The following ITM2C variants were observed in gnomAD, a reference collection of about 807,000 sequenced individuals.
ITM2C encodes BRICHOS domain containing 2C.
A neutral mutation model predicts 30.0 loss-of-function variants in ITM2C; 20 were observed. That is an observed-to-expected ratio of 0.67 (90% CI 0.47 to 0.97). The LOEUF (loss-of-function observed/expected upper bound fraction) is 0.97, where lower values mean the gene tolerates loss of function less well. Among genes scored for constraint, ITM2C ranks in the 50% least tolerant of loss-of-function variants. The pLI, the probability that ITM2C is intolerant of heterozygous loss-of-function variation, is 0.00. For missense variants in ITM2C, 366 were observed against 371.9 expected, an observed-to-expected ratio of 0.98 and a Z score of 0.13; for synonymous variants, 167 against 156.4, an observed-to-expected ratio of 1.07 and a Z score of -0.51.
chr2:230,878,530 T>G lies in ITM2C; in HGVS notation c.*431T>G, dbSNP rs1689998785. On this transcript the variant is annotated 3_prime_UTR_variant, in exon 6 of 6. Coordinates refer to ENST00000326427, the MANE Select transcript of ITM2C (RefSeq NM_030926.6). This position sits in a 1 kb window ranked among gnomAD's most constrained non-coding sequence, Gnocchi z 4.5. ...AATTAGAAAAGTCCTCAGAAGCTTTTTCTTGGAGGGTACACTTTCTTCACT... is the reference window on the plus strand; with the variant it reads ...AATTAGAAAAGTCCTCAGAAGCTTTGTCTTGGAGGGTACACTTTCTTCACT... 2 of 155,426 alleles carry G rather than the reference T, an allele frequency of 1.3e-5. No homozygotes were observed. The highest frequency in any genetic ancestry group is 4.8e-5 in the African/African-American group (2 of 41,486). The allele number at this position is 155,426 out of a possible 1,614,324, so 9.6% of individuals were successfully genotyped here.
intron 1 of ITM2C, among the ~76,000 whole-genome samples, chr2:230,866,906 G>T (rs994332452): frequency 2.0e-5 from 3 of 152,174 alleles, no homozygotes; most frequent in Admixed American, 1.3e-4. Context: ...TTCTCCAGCC[G>T]CAGCCTGCTG....
At position 230,865,104 on chromosome 2, in the gene ITM2C, G is replaced by A. The variant is rs1440963822; in HGVS notation, c.79G>A (p.Ala27Thr). 6.6e-7 allele frequency: 1 copy of A among 1,516,838 alleles called. No homozygotes were observed. The highest frequency in any genetic ancestry group is 2.0e-5 in the Admixed American group (1 of 50,312). The allele number at this position is 1,516,838 out of a possible 1,614,324, so 94.0% of individuals were successfully genotyped here. ...KADKASASAP[A>T]PASATEILLT... ...TGACAAGGCGTCGGCGTCGGCCCCT[G>A]CGCCGGCCTCGGCCACCGAGATCCT... The change falls in exon 1 of 6, where the codon GCG becomes ACG. Residue 27 changes from alanine (A) to threonine (T), a missense_variant. Coordinates refer to ENST00000326427, the MANE Select transcript of ITM2C (RefSeq NM_030926.6). The surrounding 1 kb of genome is among the most constrained non-coding windows in gnomAD (Gnocchi z 6.8).
rs769993852 is a variant in ITM2C at position 230,865,066 on chromosome 2, A to G, written c.41A>G (p.Lys14Arg). The change falls in exon 1 of 6, where the codon AAG becomes AGG. Residue 14 changes from lysine (K) to arginine (R), a missense_variant. Lys to Arg is a conservative substitution (Grantham distance 26). Transcript: ENST00000326427. The surrounding 1 kb of genome is among the most constrained non-coding windows in gnomAD (Gnocchi z 6.8). ...ISFQPAVAGI[K>R]GDKADKASAS... ...TTCCAGCCCGCCGTGGCTGGCATCA[A>G]GGGCGACAAGGCTGACAAGGCGTCG... is the stretch of plus-strand genomic sequence containing the variant. 2.6e-6 allele frequency: 4 copies of G among 1,534,110 alleles called. No homozygotes were observed. Among genetic ancestry groups the G allele is most frequent in the East Asian group, 5.1e-5 (2 of 38,854 alleles).
chr2:230,873,400 A>G lies in ITM2C; in HGVS notation c.121-17A>G. 1 of 1,536,680 alleles carries G rather than the reference A, an allele frequency of 6.5e-7. No individual in the cohort carries two copies. Among genetic ancestry groups the G allele is most frequent in the African/African-American group, 1.4e-5 (1 of 72,234 alleles). ...GAGGGGCCCTGGCCCCCACTGACCC[A>G]GCATTGCTATCCACAGGAGGAGCAG... On this transcript the variant is annotated splice_polypyrimidine_tract_variant and intron_variant, in intron 1 of 5. Coordinates refer to ENST00000326427, the MANE Select transcript of ITM2C (RefSeq NM_030926.6).
chr2:230,877,307 C>T lies in ITM2C; in HGVS notation c.562-93C>T. ...ACATCAGAAGGGCCAGCCCAGGGGC[C>T]TCTGGAGGAGGGAGGTGGGCTGGCA... On this transcript the variant is annotated intron_variant, in intron 4 of 5. Coordinates refer to ENST00000326427, the MANE Select transcript of ITM2C (RefSeq NM_030926.6). This position sits in a 1 kb window ranked among gnomAD's most constrained non-coding sequence, Gnocchi z 4.8. 1.5e-6 allele frequency: 2 copies of T among 1,354,856 alleles called. No individual in the cohort carries two copies. Among genetic ancestry groups the T allele is most frequent in the Non-Finnish European group, 2.1e-6 (2 of 966,210 alleles). 83.9% of individuals were successfully genotyped at this position (1,354,856 alleles called of 1,614,324 possible).
chr2:230,864,941 T>C, upstream of ITM2C: 1 of 1,300,538 alleles, frequency 7.7e-7, no homozygotes, highest in Non-Finnish European at 9.9e-7. The surrounding 1 kb of genome is among the most constrained non-coding windows in gnomAD (Gnocchi z 4.3). Context: ...AAACTTCCGG[T>C]GCCTGCAGAG....
chr2:230,873,155 G>A (rs1432320569), intron 1 of ITM2C: 6 of 392,994 alleles, frequency 1.5e-5, no homozygotes, highest in South Asian at 9.3e-5. Flanking sequence ...CATCTCTTTC[G>A]GTGGCTTCCA....
At position 230,865,064 on chromosome 2, in the gene ITM2C, C is replaced by T; in HGVS notation, c.39C>T (p.Ile13=). Residue 13 remains isoleucine (I), a synonymous_variant, in exon 1 of 6, where the codon ATC becomes ATT. Coordinates refer to ENST00000326427, the MANE Select transcript of ITM2C (RefSeq NM_030926.6). The surrounding 1 kb of genome is among the most constrained non-coding windows in gnomAD (Gnocchi z 6.8). ...GCTTCCAGCCCGCCGTGGCTGGCAT[C>T]AAGGGCGACAAGGCTGACAAGGCGT... ...KISFQPAVAG[I]KGDKADKASA... The T allele has an allele frequency of 6.5e-7, 1 of 1,534,748 alleles. No individual in the cohort carries two copies. The highest frequency in any genetic ancestry group is 8.8e-7 in the Non-Finnish European group (1 of 1,137,594).
At chr2:230,868,369 G>A (rs540560433) in intron 1 of ITM2C, among the ~76,000 whole-genome samples, 11 of 152,092 alleles carry the variant, frequency 7.2e-5, no homozygotes, top group South Asian at 2.1e-4. Flanking sequence ...CCCTCCCAGC[G>A]CCAACTGGAT....
intron 1 of ITM2C, 58 bp from the exon 2 acceptor site, chr2:230,873,359 G>C: frequency 1.4e-6 from 2 of 1,450,468 alleles, no homozygotes; most frequent in South Asian, 1.6e-5. Flanking sequence ...ACTTAGGGAA[G>C]GGGGGATTTC....
chr2:230,874,713 GAATC>G (rs1697247845), intron 2 of ITM2C, among the ~76,000 whole-genome samples: 1 of 152,208 alleles, frequency 6.6e-6, no homozygotes, highest in Non-Finnish European at 1.5e-5. Context: ...AACTTGCACT[GAATC>G]AAACAGACGG....
In ITM2C at chr2:230,877,353, G is replaced by A. The variant is rs559336911; in HGVS notation, c.562-47G>A. 22 of 1,601,984 alleles carry A rather than the reference G, an allele frequency of 1.4e-5. 1 individual carries two copies. Among genetic ancestry groups the A allele is most frequent in the Middle Eastern group, 1.8e-4 (1 of 5,500 alleles). The stretch of plus-strand genomic sequence containing the variant: ...TGGCATTTCGGGCGAGGGGTTGGAC[G>A]AAAGCCTGAGGGGCCGACTCACTGT... On this transcript the variant is annotated intron_variant, in intron 4 of 5. Transcript: ENST00000326427. This position sits in a 1 kb window ranked among gnomAD's most constrained non-coding sequence, Gnocchi z 4.8.
At position 230,873,438 on chromosome 2, in the gene ITM2C, C is replaced by T. The variant is rs768954876; in HGVS notation, c.142C>T (p.Arg48Ter). The T allele has an allele frequency of 5.0e-6, 8 of 1,598,466 alleles. No individual in the cohort carries two copies. Among genetic ancestry groups the T allele is most frequent in the Non-Finnish European group, 6.0e-6 (7 of 1,172,780 alleles). ...ACAGGAGGAGCAGCCCCCACAACAT[C>T]GATCCAAGAGGGGGGGCTCAGTGGG... Reference protein sequence around the residue: ...PAREEQPPQHRSKRGGSVGGV... With the variant: ...PAREEQPPQH Residue 48 changes from arginine (R) to a stop codon, truncating the protein, a stop_gained, in exon 2 of 6, where the codon CGA (arginine) becomes TGA (stop). Transcript: ENST00000326427. LOFTEE classifies it high-confidence loss of function.
At chr2:230,871,017 G>A (rs188806223) in intron 1 of ITM2C, among the ~76,000 whole-genome samples, 104 of 152,352 alleles carry the variant, frequency 6.8e-4, no homozygotes, top group Middle Eastern at 3.4e-3. Flanking sequence ...GAAAGGCTCG[G>A]CTGATAAAGA....
chr2:230,875,840 T>TGGGGGGGGG, intron 3 of ITM2C, 32 bp downstream of exon 3: 2 of 145,000 alleles, frequency 1.4e-5, no homozygotes, highest in Non-Finnish European at 2.8e-5. Flanking sequence ...GGGTGGGGGG[T>TGGGGGGGGG]GGGAGGGTGT....
At position 230,877,386 on chromosome 2, in the gene ITM2C, A is replaced by G. The variant is rs771041949; in HGVS notation, c.562-14A>G. The G allele has an allele frequency of 5.0e-5, 80 of 1,612,304 alleles. No individual in the cohort carries two copies. Among genetic ancestry groups the G allele is most frequent in the Non-Finnish European group, 6.5e-5 (77 of 1,179,188 alleles). On this transcript the variant is annotated splice_polypyrimidine_tract_variant and intron_variant, in intron 4 of 5. Transcript: ENST00000326427. The surrounding 1 kb of genome is among the most constrained non-coding windows in gnomAD (Gnocchi z 4.8). ...GAGGGGCCGACTCACTGTGGCGGCCACCTTGTTTTGCAGAGGGGGACCTAC... is the reference window on the plus strand; with the variant it reads ...GAGGGGCCGACTCACTGTGGCGGCCGCCTTGTTTTGCAGAGGGGGACCTAC...
At chr2:230,876,758 G>C (rs1469301830) in intron 3 of ITM2C, 99 bp from the exon 4 acceptor site, 1 of 745,458 alleles carries the variant, frequency 1.3e-6, no homozygotes, top group African/African-American at 1.7e-5. Context: ...GGGATTACAG[G>C]CATGAGCCAC....
chr2:230,872,699 G>A (rs539597997), intron 1 of ITM2C, among the ~76,000 whole-genome samples: 4 of 152,236 alleles, frequency 2.6e-5, no homozygotes, highest in East Asian at 1.9e-4. Context: ...CTTGACTGCC[G>A]GTCGGTGCCT....
chr2:230,875,910 T>A, intron 3 of ITM2C, 102 bp downstream of exon 3: 1 of 967,278 alleles, frequency 1.0e-6, no homozygotes, highest in Non-Finnish European at 1.5e-6. Flanking sequence ...GTACAGCAGG[T>A]GTCTACGGTT....
Sources: allele counts gnomAD v4.1 joint callset (sites outside exome capture counted in the v4.1 genomes callset), GRCh38; gene constraint gnomAD v4.1.1; non-coding constraint Gnocchi (gnomAD v3.1); transcripts MANE v1.5; gene names NCBI Gene and HGNC (gene_info 2026-07-23, HGNC 2026-07-21).